Variants in LNX1 observed in about 807,000 individuals in gnomAD.
LNX1 encodes the protein ligand of numb-protein X 1.
LNX1 carries 54 observed loss-of-function variants against 68.4 expected under a neutral mutation model. The observed-to-expected ratio is 0.79, with a 90% CI of 0.63 to 0.99. The LOEUF (loss-of-function observed/expected upper bound fraction) is 0.99, where lower values mean the gene tolerates loss of function less well. Among genes scored for constraint, LNX1 ranks in the 50% least tolerant of loss-of-function variants. The pLI, the probability that LNX1 is intolerant of heterozygous loss-of-function variation, is 0.00. For missense variants in LNX1, 906 were observed against 926.4 expected (o/e 0.98, Z 0.29); for synonymous variants, 336 against 350.0 (o/e 0.96, Z 0.45).
At chr4:53,474,057 A>G (rs1201942875) in intron 9 of LNX1, among the ~76,000 whole-genome samples, 1 of 152,158 alleles carries the variant, frequency 6.6e-6, no homozygotes, top group African/African-American at 2.4e-5. Flanking sequence ...TGCAATGCCT[A>G]TGTAGTCCTA....
rs184864202 is a variant in LNX1 at position 53,495,925 on chromosome 4, C to T, written c.1350+98G>A. 2.8e-3 allele frequency: 3,946 copies of T among 1,399,044 alleles called. 9 individuals are homozygous for T. The highest frequency in any genetic ancestry group is 3.7e-3 in the Non-Finnish European group (3,735 of 1,019,400). The allele number at this position is 1,399,044 out of a possible 1,614,324, so 86.7% of individuals were successfully genotyped here. ...TCCTTGAAAGGGAGGCACTGCATGACACATGTGGTAGTGACAGGGTGCCTG... is the reference window on the plus strand; with the variant it reads ...TCCTTGAAAGGGAGGCACTGCATGATACATGTGGTAGTGACAGGGTGCCTG... On this transcript the variant is annotated intron_variant, in intron 6 of 10. Coordinates refer to ENST00000263925, the MANE Select transcript of LNX1 (RefSeq NM_001126328.3).
intron 6 of LNX1, among the ~76,000 whole-genome samples, chr4:53,484,117 G>T (rs1022715023): frequency 1.3e-5 from 2 of 152,188 alleles, no homozygotes; most frequent in Non-Finnish European, 2.9e-5. Context: ...AAACCGGCTA[G>T]TGTCTTGATC....
At chr4:53,613,377 T>C (rs1014431059) in intron 2 of LNX1, among the ~76,000 whole-genome samples, 5 of 151,922 alleles carry the variant, frequency 3.3e-5, no homozygotes, top group African/African-American at 1.2e-4. Context: ...AGTTCAGGGG[T>C]ACCTGTGCAG....
chr4:53,644,140 T>C (rs1734792439), intron 1 of LNX1, among the ~76,000 whole-genome samples: 1 of 152,160 alleles, frequency 6.6e-6, no homozygotes, highest in African/African-American at 2.4e-5. Context: ...CTCATGTCTG[T>C]AATCCATCCT....
At chr4:53,585,624 G>A (rs1298507078) in intron 1 of LNX1, among the ~76,000 whole-genome samples, 1 of 152,102 alleles carries the variant, frequency 6.6e-6, no homozygotes. Flanking sequence ...TAAGACAGGA[G>A]GAGAAGACAC....
intron 9 of LNX1, among the ~76,000 whole-genome samples, chr4:53,472,184 G>C (rs550680002): frequency 6.6e-6 from 1 of 152,254 alleles, no homozygotes; most frequent in South Asian, 2.1e-4. Context: ...CATGTCCTTT[G>C]TAGGGACATG....
chr4:53,524,536 C>G (rs1727474665), intron 2 of LNX1, among the ~76,000 whole-genome samples: 1 of 152,192 alleles, frequency 6.6e-6, no homozygotes, highest in Non-Finnish European at 1.5e-5. Context: ...TTTTCTTAAA[C>G]TTTATTCAAT....
chr4:53,544,792 T>C (rs1449800651), intron 2 of LNX1, among the ~76,000 whole-genome samples: 1 of 152,234 alleles, frequency 6.6e-6, no homozygotes, highest in East Asian at 1.9e-4. Context: ...ATGTGCATGA[T>C]ATAGTCTGTC....
chr4:53,548,059 TG>T (rs1729230897), intron 2 of LNX1, among the ~76,000 whole-genome samples: 1 of 148,718 alleles, frequency 6.7e-6, no homozygotes, highest in South Asian at 2.1e-4. Flanking sequence ...TTGGGGGTGG[TG>T]GGCCTCAGAG....
intron 1 of LNX1, among the ~76,000 whole-genome samples, chr4:53,641,771 C>G (rs1308109363): frequency 1.3e-5 from 2 of 152,174 alleles, no homozygotes; most frequent in Non-Finnish European, 2.9e-5. Context: ...TAAATGAAAT[C>G]AAACATTGTG....
chr4:53,472,422 G>A (rs1273722257), intron 9 of LNX1, among the ~76,000 whole-genome samples: 2 of 151,732 alleles, frequency 1.3e-5, no homozygotes, highest in Admixed American at 1.3e-4. Flanking sequence ...CACCAGCATG[G>A]CACATGTATA....
intron 4 of LNX1, among the ~76,000 whole-genome samples, chr4:53,504,274 G>A (rs1043386674): frequency 5.9e-5 from 9 of 152,230 alleles, no homozygotes; most frequent in Admixed American, 1.3e-4. Context: ...GCTACAATCT[G>A]CATTTGCTGC....
intron 2 of LNX1, among the ~76,000 whole-genome samples, chr4:53,597,551 G>C (rs1560688011): frequency 6.6e-6 from 1 of 152,150 alleles, no homozygotes; most frequent in Admixed American, 6.5e-5. Flanking sequence ...TGGTAAAATG[G>C]AAATGGACAG....
chr4:53,574,034 C>A lies in LNX1; in HGVS notation c.-32G>T. The A allele has an allele frequency of 6.3e-7, 1 of 1,574,828 alleles. No individual in the cohort carries two copies. The highest frequency in any genetic ancestry group is 1.2e-5 in the South Asian group (1 of 83,732). On this transcript the variant is annotated 5_prime_UTR_variant, in exon 2 of 11. Coordinates refer to ENST00000263925, the MANE Select transcript of LNX1 (RefSeq NM_001126328.3). ...TTGGAGAGCAGTATAACAGGAAACTCAGTCACACAATATTTCCTCAGGAGC... is the reference window on the plus strand; with the variant it reads ...TTGGAGAGCAGTATAACAGGAAACTAAGTCACACAATATTTCCTCAGGAGC...
chr4:53,594,855 G>A (rs2109826945), upstream of LNX1, among the ~76,000 whole-genome samples: 1 of 152,058 alleles, frequency 6.6e-6, no homozygotes, highest in East Asian at 1.9e-4. Flanking sequence ...GGGACCACAG[G>A]CACGTGCCAC....
At chr4:53,606,486 CA>C (rs34922679) in intron 2 of LNX1, among the ~76,000 whole-genome samples, 47,320 of 150,704 alleles carry the variant, frequency 0.31, 7,705 homozygotes, top group East Asian at 0.53. Context: ...AAAAAACAAA[CA>C]AAAAAAAAAC....
At chr4:53,461,895 T>A (rs550157680) in intron 9 of LNX1, among the ~76,000 whole-genome samples, 20 of 152,254 alleles carry the variant, frequency 1.3e-4, no homozygotes, top group African/African-American at 4.8e-4. Context: ...CTTGAATATG[T>A]ATTAGCAAAA....
At chr4:53,575,677 C>T in intron 1 of LNX1, 6 of 1,385,640 alleles carry the variant, frequency 4.3e-6, no homozygotes, top group African/African-American at 1.4e-5. Flanking sequence ...CTGGGACCCA[C>T]CCCCTGGGCT....
At chr4:53,640,323 C>G (rs1019495642) in intron 1 of LNX1, among the ~76,000 whole-genome samples, 1 of 152,174 alleles carries the variant, frequency 6.6e-6, no homozygotes, top group Non-Finnish European at 1.5e-5. Context: ...ATAGAGAAGT[C>G]TTTCTTTGGG....
Sources: gnomAD v4.1 joint callset for allele counts (sites outside exome capture counted in the v4.1 genomes callset) on GRCh38, gnomAD v4.1.1 for gene constraint, MANE v1.5 for transcripts, NCBI Gene and HGNC (gene_info 2026-07-23, HGNC 2026-07-21) for gene names.